The following CA2 variants were observed in gnomAD, a reference collection of about 807,000 sequenced individuals.
The protein encoded by CA2 is carbonic anhydrase 2.
CA2 carries 23 observed loss-of-function variants against 27.8 expected under a neutral mutation model. That is an observed-to-expected ratio of 0.83 (90% CI 0.59 to 1.17). The LOEUF is 1.17. CA2 is among the 50% of genes most tolerant of loss of function. The pLI is 0.00. For missense variants in CA2, 300 were observed against 314.7 expected (o/e 0.95, Z 0.35); for synonymous variants, 99 against 114.9 (o/e 0.86, Z 0.88).
At chr8:85,479,811 A>T (rs1811860663) in intron 6 of CA2, among the ~76,000 whole-genome samples, 1 of 152,224 alleles carries the variant, frequency 6.6e-6, no homozygotes, top group Non-Finnish European at 1.5e-5. Context: ...GGTTGAGTGC[A>T]AATCCATAGC....
intron 2 of CA2, among the ~76,000 whole-genome samples, chr8:85,472,541 G>C (rs946640358): frequency 4.6e-5 from 7 of 152,146 alleles, no homozygotes; most frequent in African/African-American, 1.7e-4. Flanking sequence ...TGCCAGAATA[G>C]TAGAATCGTG....
intron 2 of CA2, among the ~76,000 whole-genome samples, chr8:85,471,625 G>A (rs1811714109): frequency 6.6e-6 from 1 of 151,884 alleles, no homozygotes; most frequent in Non-Finnish European, 1.5e-5. Flanking sequence ...TTCTTAGTAT[G>A]GTTTTAGTTA....
chr8:85,473,627 C>G, intron 2 of CA2, 66 bp from the exon 3 acceptor site: 1 of 769,812 alleles, frequency 1.3e-6, no homozygotes, highest in Non-Finnish European at 2.3e-6. Flanking sequence ...GTGTGTATAC[C>G]TATGTATATA....
chr8:85,480,512 G>C (rs935111559), intron 6 of CA2, among the ~76,000 whole-genome samples, 158 bp from the exon 7 acceptor site: 8 of 151,466 alleles, frequency 5.3e-5, no homozygotes. Flanking sequence ...CTGACCTCAA[G>C]TGATCCACCC....
intron 2 of CA2, among the ~76,000 whole-genome samples, chr8:85,466,861 A>AT (rs1485981207): frequency 6.6e-6 from 1 of 152,128 alleles, no homozygotes; most frequent in African/African-American, 2.4e-5. Context: ...AAATTAAACA[A>AT]TTTTTTTCTT....
chr8:85,466,737 A>G (rs568422408), intron 2 of CA2, among the ~76,000 whole-genome samples: 4 of 152,188 alleles, frequency 2.6e-5, no homozygotes, highest in East Asian at 1.9e-4. Flanking sequence ...CTGGCATAGT[A>G]TGATGATTTA....
chr8:85,479,341 T>A (rs1811853507), intron 6 of CA2, among the ~76,000 whole-genome samples: 1 of 152,208 alleles, frequency 6.6e-6, no homozygotes, highest in Non-Finnish European at 1.5e-5. Flanking sequence ...ATTGCTGGAA[T>A]TCTGTTGTAA....
At chr8:85,477,463 A>T (rs542575354) in intron 6 of CA2, among the ~76,000 whole-genome samples, 188 bp downstream of exon 6, 7 of 152,190 alleles carry the variant, frequency 4.6e-5, no homozygotes, top group Non-Finnish European at 8.8e-5. Flanking sequence ...TATTAACTAT[A>T]AACTTAGTTC....
At position 85,464,046 on chromosome 8, in the gene CA2, G is replaced by GAT; in HGVS notation, c.-36_-35insAT. The GAT allele has an allele frequency of 6.5e-7, 1 of 1,541,778 alleles. No individual in the cohort carries two copies. Among genetic ancestry groups the GAT allele is most frequent in the Non-Finnish European group, 8.7e-7 (1 of 1,146,580 alleles). On this transcript the variant is annotated 5_prime_UTR_variant, in exon 1 of 7. Coordinates refer to ENST00000285379, the MANE Select transcript of CA2 (RefSeq NM_000067.3). ...CCCAAGCCGCCGCCGCCAGATCGGT[G>GAT]CCGATTCCTGCCCTGCCCCGACCGC...
intron 5 of CA2, 119 bp downstream of exon 5, chr8:85,475,979 G>A: frequency 1.3e-6 from 1 of 773,820 alleles, no homozygotes; most frequent in Non-Finnish European, 2.3e-6. Context: ...TGGATGAGCA[G>A]TTAGTAAAGG....
At chr8:85,469,386 A>T (rs915191357) in intron 2 of CA2, among the ~76,000 whole-genome samples, 2 of 152,278 alleles carry the variant, frequency 1.3e-5, no homozygotes, top group South Asian at 4.1e-4. Context: ...GAGCGGGTTG[A>T]CTTTATTGCT....
Position 85,477,108 on chromosome 8 carries a change from G to T in CA2, c.508-12G>T. On this transcript the variant is annotated splice_polypyrimidine_tract_variant and intron_variant, in intron 5 of 6. Transcript: ENST00000285379. ...TGTGATAGTTTGAAGCTGCGTATTT[G>T]CCTTGTTCTAGGGCAAGAGTGCTGA... 4 of 1,613,854 alleles carry T rather than the reference G, an allele frequency of 2.5e-6. No homozygotes were observed. The highest frequency in any genetic ancestry group is 3.4e-6 in the Non-Finnish European group (4 of 1,179,860).
chr8:85,474,073 A>C lies in CA2; in HGVS notation c.352-251A>C, dbSNP rs1046089738. 2.6e-5 allele frequency: 16 copies of C among 606,344 alleles called. No individual in the cohort carries two copies. The African/African-American group carries it at 2.8e-4, about 11-fold the overall frequency. 37.6% of individuals were successfully genotyped at this position (606,344 alleles called of 1,614,324 possible). A position where few individuals can be genotyped will look rare whatever the true frequency, so the allele number is the denominator to read the frequency against. On this transcript the variant is annotated intron_variant, in intron 3 of 6. Coordinates refer to ENST00000285379, the MANE Select transcript of CA2 (RefSeq NM_000067.3). ...GAGGATCCTGTTTTAACAGAAATTT[A>C]GAAATAAAATGTGTGCCTTCTGTCA...
intron 2 of CA2, among the ~76,000 whole-genome samples, chr8:85,466,767 G>A (rs1357281136): frequency 6.6e-6 from 1 of 152,054 alleles, no homozygotes; most frequent in Non-Finnish European, 1.5e-5. Flanking sequence ...AGTAAAGGTT[G>A]TACATTGAAA....
intron 2 of CA2, among the ~76,000 whole-genome samples, chr8:85,467,509 C>G (rs757027109): frequency 1.3e-5 from 2 of 152,214 alleles, no homozygotes; most frequent in Non-Finnish European, 2.9e-5. Context: ...CCTTCGACCA[C>G]CTCTGTTAGA....
intron 1 of CA2, 36 bp downstream of exon 1, chr8:85,464,151 G>T (rs1288808450): frequency 8.0e-7 from 1 of 1,247,374 alleles, no homozygotes; most frequent in Non-Finnish European, 1.1e-6. Context: ...GGGGCGCCCC[G>T]ATCCCCGATC....
At chr8:85,471,443 ACT>A (rs1811711775) in intron 2 of CA2, among the ~76,000 whole-genome samples, 1 of 151,804 alleles carries the variant, frequency 6.6e-6, no homozygotes, top group Non-Finnish European at 1.5e-5. Flanking sequence ...GTTTGCACAC[ACT>A]CTTGCCTAAT....
chr8:85,466,127 TA>T (rs10573662), intron 2 of CA2, among the ~76,000 whole-genome samples: 30,926 of 135,334 alleles, frequency 0.23, 4,106 homozygotes, highest in East Asian at 0.58. Context: ...ATGCTCACTG[TA>T]AAAAAAAAAA....
chr8:85,479,072 T>A (rs1811848654), intron 6 of CA2, among the ~76,000 whole-genome samples: 1 of 152,214 alleles, frequency 6.6e-6, no homozygotes, highest in Admixed American at 6.6e-5. Context: ...CCACTGAGGC[T>A]TACAGGGAGA....
Sources: allele counts gnomAD v4.1 joint callset (sites outside exome capture counted in the v4.1 genomes callset), GRCh38; gene constraint gnomAD v4.1.1; transcripts MANE v1.5; gene names NCBI Gene and HGNC (gene_info 2026-07-23, HGNC 2026-07-21).